The following CRLF2 variants were observed in gnomAD, a reference collection of about 807,000 sequenced individuals.
CRLF2 encodes cytokine receptor like factor 2.
A neutral mutation model predicts 38.7 loss-of-function variants in CRLF2; 41 were observed. That is an observed-to-expected ratio of 1.06 (90% CI 0.83 to 1.37). The LOEUF is 1.37. Among genes scored for constraint, CRLF2 ranks in the 40% most tolerant of loss-of-function variants. The pLI, the probability that CRLF2 is intolerant of heterozygous loss-of-function variation, is 0.00. For missense variants in CRLF2, 377 were observed against 322.2 expected, an observed-to-expected ratio of 1.17 and a Z score of -1.30; for synonymous variants, 140 against 128.8, an observed-to-expected ratio of 1.09 and a Z score of -0.59.
intron 4 of CRLF2, 172 bp from the exon 5 acceptor site, chrX:1,198,896 C>T (rs1209946872): frequency 7.3e-6 from 5 of 685,080 alleles, no homozygotes; most frequent in South Asian, 5.4e-5. Context: ...CTCCTGTAAA[C>T]CCAACGCTTT....
At position 1,190,844 on chromosome X, in the gene CRLF2, G is replaced by A. The variant is rs1383717352; in HGVS notation, c.*53C>T. 6 of 398,554 alleles carry A rather than the reference G, an allele frequency of 1.5e-5. No individual in the cohort carries two copies. The highest frequency in any genetic ancestry group is 2.7e-5 in the Non-Finnish European group (6 of 226,072). The allele number at this position is 398,554 out of a possible 1,614,324, so 24.7% of individuals were successfully genotyped here. On this transcript the variant is annotated 3_prime_UTR_variant, in exon 8 of 8. Coordinates refer to ENST00000400841, the MANE Select transcript of CRLF2 (RefSeq NM_022148.4). ...TGGAGTCCCCGGGACAGTCCCCTCT[G>A]TCTTTAAATGTCAACGTGGATCCTG...
At position 1,202,416 on chromosome X, in the gene CRLF2, C is replaced by T. The variant is rs780766655; in HGVS notation, c.469G>A (p.Asp157Asn). ...LYEVQYRSPF[D>N]TEWQSKQENT... ...GCCCGGCTCACCTGCCACTCGGTGT[C>T]GAAGGGGCTCCGGTACTGAACCTCA... The change falls in exon 4 of 8, where the codon GAC becomes AAC. Residue 157 changes from aspartate (D) to asparagine (N), a missense_variant. Coordinates refer to ENST00000400841, the MANE Select transcript of CRLF2 (RefSeq NM_022148.4). 21 of 1,613,478 alleles carry T rather than the reference C, an allele frequency of 1.3e-5. No individual in the cohort carries two copies. Among genetic ancestry groups the T allele is most frequent in the Non-Finnish European group, 1.8e-5 (21 of 1,179,624 alleles).
intron 3 of CRLF2, among the ~76,000 whole-genome samples, chrX:1,205,925 G>A (rs1277836957): frequency 6.6e-6 from 1 of 151,746 alleles, no homozygotes; most frequent in Admixed American, 6.6e-5. Context: ...TCATGGATCC[G>A]GTAATTTGCA....
At chrX:1,208,170 G>T (rs1332854853) in intron 2 of CRLF2, among the ~76,000 whole-genome samples, 2 of 152,112 alleles carry the variant, frequency 1.3e-5, no homozygotes, top group Non-Finnish European at 2.9e-5. Flanking sequence ...CAGAGACTGA[G>T]TCTTTCCCTC....
chrX:1,212,627 C>T lies in CRLF2; in HGVS notation c.8G>A (p.Arg3Gln), dbSNP rs773172070. ...GGCAGCTCCCCACAGCAGAACCAGC[C>T]GCCCCATGCCTGAAACAGGAGTGGA... Reference protein sequence around the residue: MGRLVLLWGAAVF... With the variant: MGQLVLLWGAAVF... The change falls in exon 1 of 8, where the codon CGG becomes CAG. Residue 3 changes from arginine to glutamine, a missense_variant. Physicochemically the swap from Arg to Gln is conservative, Grantham distance 43 (BLOSUM62 1). Coordinates refer to ENST00000400841, the MANE Select transcript of CRLF2 (RefSeq NM_022148.4). 3.3e-5 allele frequency: 53 copies of T among 1,611,678 alleles called. No homozygotes were observed. In the East Asian group the frequency reaches 5.1e-4, roughly 16 times the overall value.
intron 1 of CRLF2, among the ~76,000 whole-genome samples, chrX:1,209,395 A>C (rs1471112772): frequency 7.2e-6 from 1 of 139,504 alleles, no homozygotes; most frequent in South Asian, 2.4e-4. Flanking sequence ...GCAGTGGCGC[A>C]ATCTCGGCTC....
chrX:1,192,314 G>C (rs1416156811), intron 7 of CRLF2, among the ~76,000 whole-genome samples: 7 of 151,324 alleles, frequency 4.6e-5, no homozygotes, highest in African/African-American at 7.3e-5. Context: ...CAGCTGACCA[G>C]CATTAAAATC....
intron 4 of CRLF2, chrX:1,199,190 TG>T (rs1193989208): frequency 5.4e-6 from 1 of 184,384 alleles, no homozygotes; most frequent in Non-Finnish European, 1.2e-5. Flanking sequence ...TTGCCCAAGC[TG>T]GTCAACAACT....
rs753506112 is a variant in CRLF2 at position 1,197,121 on chromosome X, C to G, written c.647-221G>C. On this transcript the variant is annotated intron_variant, in intron 5 of 7. Transcript: ENST00000400841. ...TTTTTTTTTTTTTTTGAGACAGAACCTCACTCTGTTGCCCAGGCTGGAGTG... is the reference window on the plus strand; with the variant it reads ...TTTTTTTTTTTTTTTGAGACAGAACGTCACTCTGTTGCCCAGGCTGGAGTG... Among the ~76,000 whole-genome samples, 20 of 123,192 alleles carry G rather than the reference C, an allele frequency of 1.6e-4. No homozygotes were observed. In the East Asian group the frequency reaches 4.4e-3, roughly 27 times the overall value. 80.8% of individuals were successfully genotyped at this position (123,192 alleles called of 152,430 possible).
intron 4 of CRLF2, chrX:1,198,953 A>G: frequency 1.7e-6 from 1 of 574,836 alleles, no homozygotes; most frequent in Non-Finnish European, 3.1e-6. Context: ...GTTCGAGACC[A>G]GCCTGGCCAA....
intron 5 of CRLF2, among the ~76,000 whole-genome samples, chrX:1,197,701 C>G (rs1236755903): frequency 6.6e-6 from 1 of 151,848 alleles, no homozygotes; most frequent in African/African-American, 2.4e-5. Context: ...GTAGTCCCAG[C>G]TACTTGGGAG....
intron 5 of CRLF2, among the ~76,000 whole-genome samples, chrX:1,197,321 A>C (rs1458476877): frequency 6.6e-6 from 1 of 151,484 alleles, no homozygotes; most frequent in Non-Finnish European, 1.5e-5. Flanking sequence ...AGTGTCAGCA[A>C]ATTTTCATTC....
At chrX:1,191,974 G>A (rs1456858312) in intron 7 of CRLF2, among the ~76,000 whole-genome samples, 91,444 of 146,378 alleles carry the variant, frequency 0.62, 30,624 homozygotes, top group East Asian at 0.92. Flanking sequence ...GGGAGGCCAA[G>A]GTGGGTGGAT....
At chrX:1,197,361 G>T (rs1459506739) in intron 5 of CRLF2, among the ~76,000 whole-genome samples, 1 of 151,296 alleles carries the variant, frequency 6.6e-6, no homozygotes, top group Non-Finnish European at 1.5e-5. Context: ...AAGAGACACC[G>T]TGTCTCTGGA....
At chrX:1,206,693 A>T (rs2086697337) in intron 2 of CRLF2, 94 bp from the exon 3 acceptor site, 1 of 1,242,874 alleles carries the variant, frequency 8.0e-7, no homozygotes, top group Admixed American at 2.0e-5. Flanking sequence ...CCCAGGTTGG[A>T]GTGCAATGGC....
intron 7 of CRLF2, among the ~76,000 whole-genome samples, chrX:1,191,977 G>A (rs1419549253): frequency 0.08 from 11,835 of 148,412 alleles, 1,042 homozygotes; most frequent in African/African-American, 0.22. Flanking sequence ...AGGCCAAGGT[G>A]GGTGGATCAT....
rs1473881931 is a variant in CRLF2 at position 1,198,740 on chromosome X, C to T, written c.484-16G>A. ...CCTGTTTGGACTGGAGAAACATACA[C>T]ACACACACACACACACACACACACA... On this transcript the variant is annotated splice_polypyrimidine_tract_variant and intron_variant, in intron 4 of 7. Transcript: ENST00000400841. 5 of 768,902 alleles carry T rather than the reference C, an allele frequency of 6.5e-6. No individual in the cohort carries two copies. The highest frequency in any genetic ancestry group is 2.4e-5 in the Admixed American group (1 of 42,090). The allele number at this position is 768,902 out of a possible 1,614,324, so 47.6% of individuals were successfully genotyped here.
Position 1,193,219 on chromosome X carries a change from T to C in CRLF2, c.851A>G (p.Gln284Arg). 1 of 398,502 alleles carries C rather than the reference T, an allele frequency of 2.5e-6. No homozygotes were observed. Among genetic ancestry groups the C allele is most frequent in the Non-Finnish European group, 4.4e-6 (1 of 226,124 alleles). The allele number at this position is 398,502 out of a possible 1,614,324, so 24.7% of individuals were successfully genotyped here. The change falls in exon 7 of 8, where the codon CAG becomes CGG. Residue 284 changes from glutamine (Q) to arginine (R), a missense_variant and splice_region_variant. By Grantham distance (43) the Gln-to-Arg change is conservative (BLOSUM62 1). Coordinates refer to ENST00000400841, the MANE Select transcript of CRLF2 (RefSeq NM_022148.4). ...GAGACACAAGGAGAGGGCGGATACC[T>C]GGAAGTTCCCTTGGTGTATCTCAAA... ...GLFEIHQGNF[Q>R]EWITDTQNVA...
At chrX:1,211,917 GTGGATGGA>G (rs1184167849) in intron 1 of CRLF2, among the ~76,000 whole-genome samples, 1 of 127,784 alleles carries the variant, frequency 7.8e-6, no homozygotes, top group African/African-American at 3.2e-5. Context: ...GGATGTATTG[GTGGATGGA>G]TGGGTGGATG....
Sources: allele counts gnomAD v4.1 joint callset (sites outside exome capture counted in the v4.1 genomes callset), GRCh38; gene constraint gnomAD v4.1.1; transcripts MANE v1.5; gene names NCBI Gene and HGNC (gene_info 2026-07-23, HGNC 2026-07-21).